TASP1: variants seen among roughly 807,000 people sequenced by gnomAD.
The protein encoded by TASP1 is threonine aspartase 1.
TASP1 carries 16 observed loss-of-function variants against 56.6 expected under a neutral mutation model. The ratio of observed to expected loss-of-function variants is 0.28; its 90% CI spans 0.19 to 0.43. TASP1 has a LOEUF of 0.43. Ranked by LOEUF, TASP1 falls within the 20% of genes least tolerant of loss-of-function variation. TASP1 has a pLI of 1.00. For synonymous variants in TASP1, 179 were observed against 184.2 expected (o/e 0.97, Z 0.23); for missense variants, 393 against 511.6 (o/e 0.77, Z 2.24).
intron 11 of TASP1, among the ~76,000 whole-genome samples, chr20:13,469,130 T>C (rs2044375841): frequency 6.6e-6 from 1 of 152,200 alleles, no homozygotes; most frequent in Non-Finnish European, 1.5e-5. Flanking sequence ...GTTTGGTTTT[T>C]TGTTTTGCCT....
chr20:13,326,063 G>A, the TASP1 span, among the ~76,000 whole-genome samples: 1 of 152,158 alleles, frequency 6.6e-6, no homozygotes, highest in Non-Finnish European at 1.5e-5. Context: ...GAAACATGCA[G>A]TGTGTTACCT....
At chr20:13,288,659 A>G in the TASP1 span, 3 of 1,613,938 alleles carry the variant, frequency 1.9e-6, no homozygotes, top group Non-Finnish European at 2.5e-6. Context: ...AGAATCGAGG[A>G]CCTGTGACCG....
chr20:13,578,647 C>T (rs1473113843), intron 6 of TASP1, among the ~76,000 whole-genome samples: 4 of 152,064 alleles, frequency 2.6e-5, no homozygotes, highest in Admixed American at 6.6e-5. Flanking sequence ...GATGTGACAT[C>T]GGAATTTAAT....
intron 10 of TASP1, among the ~76,000 whole-genome samples, chr20:13,504,364 G>A (rs1331346467): frequency 6.6e-6 from 1 of 151,644 alleles, no homozygotes; most frequent in African/African-American, 2.4e-5. Context: ...TATTTTACCT[G>A]GCAAAGCTGT....
intron 6 of TASP1, among the ~76,000 whole-genome samples, chr20:13,577,684 G>A (rs956935784): frequency 2.0e-5 from 3 of 152,106 alleles, no homozygotes; most frequent in African/African-American, 7.2e-5. Flanking sequence ...GAAAAGGAAC[G>A]CTCACCAGAA....
the TASP1 span, among the ~76,000 whole-genome samples, chr20:13,176,658 G>A: frequency 6.6e-6 from 1 of 152,036 alleles, no homozygotes; most frequent in African/African-American, 2.4e-5. Flanking sequence ...ATATTGTCCT[G>A]TAGCTTTTTT....
At chr20:13,172,254 T>C in the TASP1 span, among the ~76,000 whole-genome samples, 1 of 151,996 alleles carries the variant, frequency 6.6e-6, no homozygotes, top group African/African-American at 2.4e-5. Flanking sequence ...ATTTTTACTA[T>C]CCCAAGGATA....
intron 11 of TASP1, among the ~76,000 whole-genome samples, chr20:13,464,512 T>C (rs77621701): frequency 0.19 from 28,635 of 152,094 alleles, 2,835 homozygotes; most frequent in Middle Eastern, 0.25. Flanking sequence ...CAAATGTCCA[T>C]TGACAGATGA....
At chr20:13,200,033 G>A in the TASP1 span, among the ~76,000 whole-genome samples, 1 of 152,130 alleles carries the variant, frequency 6.6e-6, no homozygotes, top group Non-Finnish European at 1.5e-5. Flanking sequence ...AAAGTCACAA[G>A]TTTCTCCTAA....
chr20:13,379,025 T>C, the TASP1 span, among the ~76,000 whole-genome samples: 7 of 152,210 alleles, frequency 4.6e-5, no homozygotes, highest in Non-Finnish European at 8.8e-5. Flanking sequence ...TGACTCTTTA[T>C]CCAATTTGCC....
chr20:13,475,398 T>C (rs1285539845), intron 11 of TASP1, among the ~76,000 whole-genome samples: 6 of 152,156 alleles, frequency 3.9e-5, no homozygotes, highest in African/African-American at 1.4e-4. Context: ...TTAAAATAAG[T>C]GCTATAGATA....
At chr20:13,318,179 C>G in the TASP1 span, among the ~76,000 whole-genome samples, 1 of 69,524 alleles carries the variant, frequency 1.4e-5, no homozygotes. Context: ...GCCAAAGACT[C>G]TAACAGACAC....
chr20:13,347,336 C>A, the TASP1 span, among the ~76,000 whole-genome samples: 3 of 152,320 alleles, frequency 2.0e-5, no homozygotes, highest in East Asian at 5.8e-4. Flanking sequence ...GTCACATTAA[C>A]ACACAAGTAG....
At chr20:13,556,980 A>G (rs1283802594) in intron 8 of TASP1, among the ~76,000 whole-genome samples, 1 of 152,220 alleles carries the variant, frequency 6.6e-6, no homozygotes, top group Non-Finnish European at 1.5e-5. Context: ...TCATTAGAGC[A>G]TGAGCTTCCT....
chr20:13,529,313 C>G (rs1227791782), intron 9 of TASP1, among the ~76,000 whole-genome samples: 1 of 152,134 alleles, frequency 6.6e-6, no homozygotes, highest in Non-Finnish European at 1.5e-5. Context: ...TCTTCAATAT[C>G]CACAATGACT....
At chr20:13,105,843 A>G in the TASP1 span, among the ~76,000 whole-genome samples, 3 of 152,222 alleles carry the variant, frequency 2.0e-5, no homozygotes, top group African/African-American at 7.2e-5. Context: ...AAGATGAATA[A>G]TAGTATAAAA....
chr20:13,315,946 A>C, the TASP1 span, among the ~76,000 whole-genome samples: 3 of 152,134 alleles, frequency 2.0e-5, no homozygotes, highest in African/African-American at 7.2e-5. Context: ...CTTTGAACTA[A>C]ATGAAAATGA....
At chr20:13,423,340 A>G (rs1223677677) in intron 12 of TASP1, among the ~76,000 whole-genome samples, 5 of 152,226 alleles carry the variant, frequency 3.3e-5, no homozygotes, top group African/African-American at 1.2e-4. Flanking sequence ...ATTTATAACT[A>G]AAATTTCACA....
chr20:13,311,258 T>TAGATGATAGAA, the TASP1 span, among the ~76,000 whole-genome samples: 4 of 118,632 alleles, frequency 3.4e-5, no homozygotes, highest in African/African-American at 1.2e-4. Flanking sequence ...GATAGATAGA[T>TAGATGATAGAA]AGATAGATAG....
Sources: gnomAD v4.1 joint callset for allele counts (sites outside exome capture counted in the v4.1 genomes callset) on GRCh38, gnomAD v4.1.1 for gene constraint, MANE v1.5 for transcripts, NCBI Gene and HGNC (gene_info 2026-07-23, HGNC 2026-07-21) for gene names.